The following ROBO2 variants were observed in gnomAD, a reference collection of about 807,000 sequenced individuals.
ROBO2 encodes roundabout guidance receptor 2.
Under a neutral mutation model 160.8 loss-of-function variants are expected in ROBO2, and 53 were observed. The ratio of observed to expected loss-of-function variants is 0.33; its 90% CI spans 0.26 to 0.41. ROBO2 has a LOEUF of 0.41. ROBO2 is among the 10% of genes least tolerant of loss of function. The probability of loss-of-function intolerance (pLI) is 1.00; values close to 1 mark genes in which losing one functional copy is unlikely to be tolerated. For missense variants in ROBO2, 1,577 were observed against 1,722.4 expected (o/e 0.92, Z 1.49); for synonymous variants, 664 against 611.7 (o/e 1.09, Z -1.26).
chr3:76,667,137 G>A (rs182095802), intron 2 of ROBO2, among the ~76,000 whole-genome samples: 2 of 152,182 alleles, frequency 1.3e-5, no homozygotes, highest in Admixed American at 6.6e-5. Flanking sequence ...GCATAAAAAC[G>A]TCCCAGGGGA....
At chr3:76,591,359 G>A (rs1448233709) in intron 2 of ROBO2, among the ~76,000 whole-genome samples, 1 of 152,110 alleles carries the variant, frequency 6.6e-6, no homozygotes, top group Non-Finnish European at 1.5e-5. Flanking sequence ...AATAGAGGCA[G>A]ATGAAAATCC....
intron 2 of ROBO2, among the ~76,000 whole-genome samples, chr3:76,578,182 G>A (rs2085431219): frequency 6.6e-6 from 1 of 152,168 alleles, no homozygotes; most frequent in Non-Finnish European, 1.5e-5. Flanking sequence ...GGGTCGTCAT[G>A]AGTGTTAAAT....
At chr3:77,346,860 C>T (rs2067706832) in intron 2 of ROBO2, among the ~76,000 whole-genome samples, 2 of 152,152 alleles carry the variant, frequency 1.3e-5, no homozygotes, top group African/African-American at 4.8e-5. Flanking sequence ...TCTCCTTTGT[C>T]CTTTCTCCCT....
intron 2 of ROBO2, among the ~76,000 whole-genome samples, chr3:77,308,831 G>A (rs1018514317): frequency 2.0e-5 from 3 of 152,098 alleles, no homozygotes; most frequent in Non-Finnish European, 4.4e-5. Context: ...CTTGTACTTA[G>A]AGAAGTTAAA....
intron 2 of ROBO2, among the ~76,000 whole-genome samples, chr3:77,162,994 T>A (rs1322451455): frequency 8.6e-6 from 1 of 115,932 alleles, no homozygotes; most frequent in African/African-American, 3.1e-5. Flanking sequence ...CATGCCCAGC[T>A]AATTTTTTTT....
chr3:76,935,740 A>G (rs6772422), intron 2 of ROBO2, among the ~76,000 whole-genome samples: 68,493 of 151,902 alleles, frequency 0.45, 15,768 homozygotes, highest in African/African-American at 0.54. Flanking sequence ...GCTCTCTGAG[A>G]CCTCTTTTAT....
intron 2 of ROBO2, among the ~76,000 whole-genome samples, chr3:76,166,788 T>C (rs1282214366): frequency 6.6e-6 from 1 of 152,200 alleles, no homozygotes; most frequent in East Asian, 1.9e-4. Flanking sequence ...TAAATAAATA[T>C]AATTCCTCAA....
At chr3:77,341,294 T>C (rs897627002) in intron 2 of ROBO2, among the ~76,000 whole-genome samples, 1 of 152,168 alleles carries the variant, frequency 6.6e-6, no homozygotes. Flanking sequence ...GAAATCATTA[T>C]ATATCTGACC....
At chr3:76,611,457 G>T (rs2109083634) in intron 2 of ROBO2, among the ~76,000 whole-genome samples, 1 of 152,106 alleles carries the variant, frequency 6.6e-6, no homozygotes, top group South Asian at 2.1e-4. Flanking sequence ...ACCTGTTATT[G>T]GTCTGTTCAG....
intron 2 of ROBO2, among the ~76,000 whole-genome samples, chr3:76,904,051 T>G (rs2075424247): frequency 1.3e-5 from 2 of 152,176 alleles, no homozygotes; most frequent in Non-Finnish European, 2.9e-5. Flanking sequence ...ATGAAAAACT[T>G]AAGGATAATT....
chr3:77,010,880 C>T (rs1371020349), intron 2 of ROBO2, among the ~76,000 whole-genome samples: 2 of 101,070 alleles, frequency 2.0e-5, no homozygotes, highest in Non-Finnish European at 3.8e-5. Context: ...CTTCCTTCCT[C>T]CCTCCCTCCC....
intron 2 of ROBO2, among the ~76,000 whole-genome samples, chr3:76,233,787 A>T (rs1255922440): frequency 2.6e-5 from 4 of 151,230 alleles, no homozygotes; most frequent in Admixed American, 2.0e-4. Flanking sequence ...ATAAACGTAC[A>T]CTCTTTTAGT....
At chr3:76,407,871 CTTTGAA>C (rs947497997) in intron 2 of ROBO2, among the ~76,000 whole-genome samples, 1 of 151,970 alleles carries the variant, frequency 6.6e-6, no homozygotes, top group Non-Finnish European at 1.5e-5. Context: ...GCCCAGATGG[CTTTGAA>C]TTAAGCCCAA....
chr3:77,186,123 G>A (rs866531525), intron 2 of ROBO2, among the ~76,000 whole-genome samples: 6 of 151,854 alleles, frequency 4.0e-5, no homozygotes, highest in Non-Finnish European at 7.4e-5. Flanking sequence ...CACCATCACC[G>A]TGAAATAACT....
intron 2 of ROBO2, among the ~76,000 whole-genome samples, chr3:77,018,255 T>A (rs1026697533): frequency 2.0e-5 from 3 of 151,978 alleles, no homozygotes; most frequent in Admixed American, 1.3e-4. Context: ...GGCACACTTT[T>A]GTATTTTTTG....
chr3:77,538,516 A>AATTT (rs909944564), intron 6 of ROBO2, among the ~76,000 whole-genome samples: 8 of 152,028 alleles, frequency 5.3e-5, no homozygotes, highest in African/African-American at 1.7e-4. Flanking sequence ...AAATGAGTAA[A>AATTT]ATGTGATTAA....
chr3:76,891,564 T>A (rs940034404), intron 2 of ROBO2, among the ~76,000 whole-genome samples: 1 of 150,668 alleles, frequency 6.6e-6, no homozygotes. Flanking sequence ...TCAAGCAAGC[T>A]CCAGTTGATG....
intron 2 of ROBO2, among the ~76,000 whole-genome samples, chr3:76,897,882 C>T (rs2074929875): frequency 6.6e-6 from 1 of 152,014 alleles, no homozygotes; most frequent in Non-Finnish European, 1.5e-5. Flanking sequence ...GTTAATTGAA[C>T]AATTAATGAT....
chr3:76,562,299 A>G (rs949426933), intron 2 of ROBO2, among the ~76,000 whole-genome samples: 2 of 151,940 alleles, frequency 1.3e-5, no homozygotes, highest in African/African-American at 4.8e-5. Context: ...TTCCTATAAT[A>G]CCTGGATTAT....
Sources: gnomAD v4.1 joint callset for allele counts (sites outside exome capture counted in the v4.1 genomes callset) on GRCh38, gnomAD v4.1.1 for gene constraint, MANE v1.5 for transcripts, NCBI Gene and HGNC (gene_info 2026-07-23, HGNC 2026-07-21) for gene names.